The following CPNE2 variants were observed in gnomAD, a reference collection of about 807,000 sequenced individuals.
CPNE2 encodes the protein copine-2.
In CPNE2, 42 loss-of-function variants were observed where a neutral mutation model predicts 69.7. The observed-to-expected ratio is 0.60, with a 90% CI of 0.47 to 0.78. The LOEUF (loss-of-function observed/expected upper bound fraction) is 0.78. Ranked by LOEUF, CPNE2 falls within the 30% of genes least tolerant of loss-of-function variation. The pLI is 0.00. For missense variants in CPNE2, 587 were observed against 732.0 expected, an observed-to-expected ratio of 0.80 and a Z score of 2.29; for synonymous variants, 294 against 289.8, an observed-to-expected ratio of 1.01 and a Z score of -0.15.
intron 1 of CPNE2, chr16:57,094,171 G>A (rs1349429187): frequency 9.0e-6 from 4 of 446,434 alleles, no homozygotes; most frequent in East Asian, 7.1e-5. Flanking sequence ...AACCAGGGAC[G>A]AAGGATGTGG....
At chr16:57,129,766 C>A (rs1216749316) in intron 12 of CPNE2, among the ~76,000 whole-genome samples, 1 of 152,194 alleles carries the variant, frequency 6.6e-6, no homozygotes, top group African/African-American at 2.4e-5. Context: ...TTGCAGTGAG[C>A]CGAGATCGTG....
chr16:57,094,194 G>A (rs2069563548), intron 1 of CPNE2: 1 of 415,124 alleles, frequency 2.4e-6, no homozygotes, highest in East Asian at 7.7e-5. Context: ...GCTTGGGTTC[G>A]TTTTGCGGCC....
At chr16:57,138,323 A>T (rs923095615) in intron 14 of CPNE2, among the ~76,000 whole-genome samples, 2 of 152,084 alleles carry the variant, frequency 1.3e-5, no homozygotes, top group Non-Finnish European at 2.9e-5. Flanking sequence ...CCATGGCCAC[A>T]GGTCTCTCAG....
At chr16:57,136,882 C>G (rs140678511) in intron 13 of CPNE2, among the ~76,000 whole-genome samples, 1 of 152,218 alleles carries the variant, frequency 6.6e-6, no homozygotes, top group African/African-American at 2.4e-5. Flanking sequence ...TCACTGCACT[C>G]CAGCCTGGGT....
chr16:57,113,169 C>A, intron 2 of CPNE2, 119 bp from the exon 3 acceptor site: 3 of 930,636 alleles, frequency 3.2e-6, no homozygotes, highest in Admixed American at 2.4e-5. Flanking sequence ...CTGACGATGA[C>A]CACAAGAGCC....
intron 1 of CPNE2, among the ~76,000 whole-genome samples, chr16:57,094,356 G>A: frequency 6.6e-6 from 1 of 152,152 alleles, no homozygotes; most frequent in Admixed American, 6.5e-5. Context: ...CAAGTAGGGA[G>A]CACTTCATGA....
intron 12 of CPNE2, among the ~76,000 whole-genome samples, chr16:57,132,952 A>C (rs1160230182): frequency 6.6e-6 from 1 of 152,018 alleles, no homozygotes; most frequent in African/African-American, 2.4e-5. Context: ...GGGGATGAAG[A>C]GCGGGGGGCC....
In CPNE2 at chr16:57,140,511, G is replaced by A. The variant is rs561215190; in HGVS notation, c.1302+3229G>A. Among the ~76,000 whole-genome samples the A allele has an allele frequency of 5.3e-5, 8 of 151,928 alleles. No homozygotes were observed. The East Asian group carries it at 1.2e-3, about 22-fold the overall frequency. ...GAAATGGGCGTAGTAAACCCCCAGT[G>A]TGCTGTGAGGACCTGGGTGCAGGCT... On this transcript the variant is annotated intron_variant, in intron 14 of 15. Transcript: ENST00000290776.
At position 57,115,437 on chromosome 16, in the gene CPNE2, C is replaced by T. The variant is rs577218567; in HGVS notation, c.361-39C>T. 2.4e-5 allele frequency: 36 copies of T among 1,526,048 alleles called. 1 individual carries two copies. The highest frequency in any genetic ancestry group is 8.0e-5 in the South Asian group (7 of 87,780). The allele number at this position is 1,526,048 out of a possible 1,614,324, so 94.5% of individuals were successfully genotyped here. A position where few individuals can be genotyped will look rare whatever the true frequency, so the allele number is the denominator to read the frequency against. ...GGATTTTTCCTTCCCGGGCTTCCCC[C>T]GCTTCCTCACTGAGCGCCCTTTCTC... On this transcript the variant is annotated intron_variant, in intron 3 of 15. Transcript: ENST00000290776.
At chr16:57,134,938 C>A in intron 13 of CPNE2, 112 bp downstream of exon 13, 1 of 1,167,742 alleles carries the variant, frequency 8.6e-7, no homozygotes, top group Non-Finnish European at 1.3e-6. Context: ...TTTCCCCTCC[C>A]CCTTACTGTT....
chr16:57,110,660 C>T (rs1455950678), intron 1 of CPNE2, 48 bp from the exon 2 acceptor site: 1 of 1,239,050 alleles, frequency 8.1e-7, no homozygotes, highest in Non-Finnish European at 1.1e-6. Context: ...GGTGGGGCAG[C>T]ATAGCAGGTG....
In CPNE2 at chr16:57,148,284, C is replaced by CAGTT. The variant is rs2069974658; in HGVS notation, c.*628_*631dup. On this transcript the variant is annotated 3_prime_UTR_variant, in exon 16 of 16. Transcript: ENST00000290776. The stretch of plus-strand genomic sequence containing the variant: ...AGATGATAACCTGTTAAATCACTGC[C>CAGTT]AGTTAACAGTGATAACCTGTTAAAC... The CAGTT allele has an allele frequency of 6.6e-6, 1 of 152,220 alleles. No individual in the cohort carries two copies. The highest frequency in any genetic ancestry group is 2.1e-4 in the South Asian group (1 of 4,828). 9.4% of individuals were successfully genotyped at this position (152,220 alleles called of 1,614,324 possible). A position where few individuals can be genotyped will look rare whatever the true frequency, so the allele number is the denominator to read the frequency against.
At chr16:57,115,450 A>AGC in intron 3 of CPNE2, 26 bp from the exon 4 acceptor site, 4 of 1,577,962 alleles carry the variant, frequency 2.5e-6, no homozygotes, top group Non-Finnish European at 3.5e-6. Flanking sequence ...TTCCTCACTG[A>AGC]GCGCCCTTTC....
At chr16:57,114,498 T>G (rs2069703333) in intron 3 of CPNE2, among the ~76,000 whole-genome samples, 1 of 152,192 alleles carries the variant, frequency 6.6e-6, no homozygotes, top group South Asian at 2.1e-4. Flanking sequence ...CCCAACTGGC[T>G]GAACCTCTGA....
At chr16:57,134,448 G>A (rs1483407288) in intron 12 of CPNE2, among the ~76,000 whole-genome samples, 1 of 152,188 alleles carries the variant, frequency 6.6e-6, no homozygotes, top group African/African-American at 2.4e-5. Flanking sequence ...CTGGAACCCT[G>A]GCCCACAGGG....
rs560473235 is a variant in CPNE2, at chr16:57,094,400, C to T, written c.-36+1610C>T. On this transcript the variant is annotated intron_variant, in intron 1 of 15. Transcript: ENST00000290776. ...TGTGGTGTCTCTGGTGGTGTTCCAA[C>T]GGACACTCCCTCTGGAATGTCATGA... Among the ~76,000 whole-genome samples the T allele has an allele frequency of 4.7e-4, 71 of 152,088 alleles. No homozygotes were observed. In the South Asian group the frequency reaches 0.015, roughly 31 times the overall value.
At chr16:57,147,290 C>T (rs1453073031) in intron 15 of CPNE2, 2 of 361,916 alleles carry the variant, frequency 5.5e-6, no homozygotes. Flanking sequence ...GTCATCCTAA[C>T]CCGTTACTCC....
At chr16:57,136,517 C>T (rs1463887109) in intron 13 of CPNE2, among the ~76,000 whole-genome samples, 1 of 152,218 alleles carries the variant, frequency 6.6e-6, no homozygotes, top group Admixed American at 6.5e-5. Context: ...TGAGAGACCC[C>T]CCTCCTGCCA....
At chr16:57,117,245 A>G (rs867337744) in intron 4 of CPNE2, among the ~76,000 whole-genome samples, 1 of 151,516 alleles carries the variant, frequency 6.6e-6, no homozygotes, top group South Asian at 2.1e-4. Flanking sequence ...TCTGCCCACC[A>G]CCCCATGGGC....
Sources: allele counts gnomAD v4.1 joint callset (sites outside exome capture counted in the v4.1 genomes callset), GRCh38; gene constraint gnomAD v4.1.1; transcripts MANE v1.5; gene names NCBI Gene and HGNC (gene_info 2026-07-23, HGNC 2026-07-21).